KANK1: variants seen among roughly 807,000 people sequenced by gnomAD.
KANK1 encodes KN motif and ankyrin repeat domains 1, also known as KN motif and ankyrin repeat domain-containing protein 1.
KANK1 carries 109 observed loss-of-function variants against 106.2 expected under a neutral mutation model. The observed-to-expected ratio is 1.03, with a 90% CI of 0.88 to 1.20. The LOEUF is 1.20. Among genes scored for constraint, KANK1 ranks in the 50% most tolerant of loss-of-function variants. KANK1 has a pLI of 0.00. For synonymous variants in KANK1, 873 were observed against 652.2 expected (o/e 1.34, Z -5.16); for missense variants, 2,399 against 1,710.7 (o/e 1.40, Z -7.10).
intron 1 of KANK1, among the ~76,000 whole-genome samples, chr9:538,579 C>A (rs1327958597): frequency 6.6e-6 from 1 of 152,182 alleles, no homozygotes; most frequent in Non-Finnish European, 1.5e-5. Flanking sequence ...ATTATAGATA[C>A]CTGCAGAGGT....
intron 1 of KANK1, among the ~76,000 whole-genome samples, chr9:623,776 C>A (rs1037416346): frequency 2.0e-5 from 3 of 152,046 alleles, no homozygotes; most frequent in African/African-American, 7.2e-5. Context: ...GGAAAGGGAA[C>A]CCTTGTACGC....
At chr9:617,353 G>C (rs928492708) in intron 1 of KANK1, among the ~76,000 whole-genome samples, 2 of 152,188 alleles carry the variant, frequency 1.3e-5, no homozygotes, top group Non-Finnish European at 1.5e-5. Flanking sequence ...TTAGGAGAAG[G>C]ATTGGGGAGG....
intron 2 of KANK1, among the ~76,000 whole-genome samples, chr9:680,568 T>C (rs1399083232): frequency 6.6e-6 from 1 of 152,166 alleles, no homozygotes; most frequent in Admixed American, 6.6e-5. Flanking sequence ...AGGCCAGATA[T>C]ACATGAGCAC....
At chr9:725,086 C>G (rs190661170) in intron 3 of KANK1, among the ~76,000 whole-genome samples, 16 of 152,220 alleles carry the variant, frequency 1.1e-4, no homozygotes, top group South Asian at 2.1e-4. Flanking sequence ...AAGGAATCGT[C>G]CAGGTAGCCC....
chr9:690,984 T>G (rs141713626), intron 2 of KANK1, among the ~76,000 whole-genome samples: 1 of 152,344 alleles, frequency 6.6e-6, no homozygotes, highest in East Asian at 1.9e-4. Flanking sequence ...GGCTTCTTTC[T>G]TTGTATGTAT....
chr9:512,867 C>A (rs1224897103), intron 1 of KANK1, among the ~76,000 whole-genome samples: 2 of 152,160 alleles, frequency 1.3e-5, no homozygotes, highest in South Asian at 4.1e-4. Context: ...TCTCTGCCTC[C>A]TGGTTTTTAT....
chr9:626,580 A>G (rs889435461), intron 1 of KANK1, among the ~76,000 whole-genome samples: 1 of 152,248 alleles, frequency 6.6e-6, no homozygotes, highest in Non-Finnish European at 1.5e-5. Context: ...TCAAGCCCTT[A>G]GTAAATCCTT....
intron 1 of KANK1, among the ~76,000 whole-genome samples, chr9:605,584 G>A (rs187570608): frequency 6.5e-4 from 98 of 151,922 alleles, no homozygotes; most frequent in Non-Finnish European, 1.0e-3. Flanking sequence ...TGAGGCAGCT[G>A]TGTAATATTG....
At chr9:504,338 G>GGCCCGCGGGCCAGGCGCGGCGAC, upstream of KANK1, among the ~76,000 whole-genome samples, 1 of 151,756 alleles carries the variant, frequency 6.6e-6, no homozygotes, top group African/African-American at 2.4e-5. Context: ...GCCGCGGCGA[G>GGCCCGCGGGCCAGGCGCGGCGAC]GCCCGCGGGC....
chr9:487,242 C>T (rs186703632), intron 3 of KANK1, among the ~76,000 whole-genome samples: 2 of 152,296 alleles, frequency 1.3e-5, no homozygotes, highest in South Asian at 2.1e-4. Context: ...GAAAGCCATA[C>T]GTGTTCAGTA....
In KANK1 at chr9:734,665, C is replaced by A. The variant is rs1203278963; in HGVS notation, c.3246-83C>A. ...TGGGCGACAGAGCATGACCCTGTCTCAAAAAAAAAATTAGATATTTGGGTT... is the reference window on the plus strand; with the variant it reads ...TGGGCGACAGAGCATGACCCTGTCTAAAAAAAAAAATTAGATATTTGGGTT... On this transcript the variant is annotated intron_variant, in intron 6 of 11. Coordinates refer to ENST00000382297, the MANE Select transcript of KANK1 (RefSeq NM_015158.5). 10 of 916,686 alleles carry A rather than the reference C, an allele frequency of 1.1e-5. No individual in the cohort carries two copies. The East Asian group carries it at 1.5e-4, about 13-fold the overall frequency. 56.8% of individuals were successfully genotyped at this position (916,686 alleles called of 1,614,324 possible).
chr9:475,282 T>C lies in KANK1; in HGVS notation c.-362+2009T>C, dbSNP rs187578373. Reference sequence around the variant, plus strand: ...ACCATTCCAGCAAATACACTGTGCATGCTCCCCTCCCAAATGCTAGCAGGC... The same window carrying C: ...ACCATTCCAGCAAATACACTGTGCACGCTCCCCTCCCAAATGCTAGCAGGC... On this transcript the variant is annotated intron_variant, in intron 3 of 15. Coordinates refer to the KANK1 transcript ENST00000382303. Among the ~76,000 whole-genome samples, 11 of 152,000 alleles carry C rather than the reference T, an allele frequency of 7.2e-5. No homozygotes were observed. The East Asian group carries it at 2.1e-3, about 29-fold the overall frequency.
intron 1 of KANK1, among the ~76,000 whole-genome samples, chr9:616,966 G>A (rs1281803466): frequency 2.0e-5 from 3 of 152,160 alleles, no homozygotes; most frequent in Non-Finnish European, 4.4e-5. Context: ...TTCTTCCTTA[G>A]GAAGGAGCAG....
Position 669,428 on chromosome 9 carries a change from T to C in KANK1, c.-83-7462T>C, listed in dbSNP as rs1259067134. Among the ~76,000 whole-genome samples, 5 of 152,330 alleles carry C rather than the reference T, an allele frequency of 3.3e-5. No individual in the cohort carries two copies. In the East Asian group the frequency reaches 9.6e-4, roughly 29 times the overall value. On this transcript the variant is annotated intron_variant, in intron 1 of 11. Coordinates refer to ENST00000382297, the MANE Select transcript of KANK1 (RefSeq NM_015158.5). ...GTGGTAAATTCTCTTAGCTTTTGTT[T>C]GTCAGAAAAAGACTATCTCTCCTTC...
At chr9:724,132 C>G (rs1830078790) in intron 3 of KANK1, among the ~76,000 whole-genome samples, 1 of 151,980 alleles carries the variant, frequency 6.6e-6, no homozygotes, top group South Asian at 2.1e-4. Flanking sequence ...AATTTGAATA[C>G]TGACTGGATT....
At chr9:670,040 G>C (rs1845530572) in intron 1 of KANK1, among the ~76,000 whole-genome samples, 1 of 152,000 alleles carries the variant, frequency 6.6e-6, no homozygotes, top group African/African-American at 2.4e-5. Context: ...TTTTCAGTTA[G>C]CAAATATATT....
intron 2 of KANK1, among the ~76,000 whole-genome samples, chr9:697,317 A>T (rs1821562393): frequency 6.6e-6 from 1 of 152,160 alleles, no homozygotes; most frequent in Admixed American, 6.5e-5. Flanking sequence ...CATGATGTCA[A>T]CTTTGATCAC....
At chr9:516,808 A>T (rs1054041578) in intron 1 of KANK1, among the ~76,000 whole-genome samples, 2 of 151,604 alleles carry the variant, frequency 1.3e-5, no homozygotes, top group Admixed American at 6.6e-5. Context: ...CTATTGATTC[A>T]CTAGTTATCA....
Position 702,499 on chromosome 9 carries a change from G to C in KANK1, c.38-8305G>C, listed in dbSNP as rs184071441. On this transcript the variant is annotated intron_variant, in intron 2 of 11. Transcript: ENST00000382297. ...AAGTGAAGATCCATAGAAAACTAGAGAGATAGAGAAAGAGAGACAGAGACA... is the reference window on the plus strand; with the variant it reads ...AAGTGAAGATCCATAGAAAACTAGACAGATAGAGAAAGAGAGACAGAGACA... Among the ~76,000 whole-genome samples the C allele has an allele frequency of 1.2e-3, 188 of 152,226 alleles. 2 individuals are homozygous for C. The highest frequency in any genetic ancestry group is 4.6e-4 in the Non-Finnish European group (31 of 68,028).
Sources: allele counts gnomAD v4.1 joint callset (sites outside exome capture counted in the v4.1 genomes callset), GRCh38; gene constraint gnomAD v4.1.1; transcripts MANE v1.5; gene names NCBI Gene and HGNC (gene_info 2026-07-23, HGNC 2026-07-21).